The following PRTN3 variants were observed in gnomAD, a reference collection of about 807,000 sequenced individuals.
PRTN3 encodes the protein myeloblastin.
PRTN3 carries 22 observed loss-of-function variants against 20.7 expected under a neutral mutation model. The observed-to-expected ratio is 1.06, with a 90% CI of 0.76 to 1.52. PRTN3 has a LOEUF of 1.52. Among genes scored for constraint, PRTN3 ranks in the 40% most tolerant of loss-of-function variants. The pLI is 0.00. For missense variants in PRTN3, 378 were observed against 359.6 expected (o/e 1.05, Z -0.41); for synonymous variants, 173 against 152.9 (o/e 1.13, Z -0.97).
rs1012734954 is a variant in PRTN3, at chr19:844,925, G to GA, written c.369+892dup. On this transcript the variant is annotated intron_variant, in intron 3 of 4. Coordinates refer to ENST00000234347, the MANE Select transcript of PRTN3 (RefSeq NM_002777.4). ...GGGAGCAGCCTGACCAACCTAGTGA[G>GA]ACCCCATCTCTATAAAAGACATTTT... 6.1e-5 allele frequency among the ~76,000 whole-genome samples: 9 copies of GA among 147,516 alleles called. No individual in the cohort carries two copies. The South Asian group carries it at 1.5e-3, about 25-fold the overall frequency.
rs2035493918 is a variant in PRTN3, at chr19:844,611, G to A, written c.369+577G>A. On this transcript the variant is annotated intron_variant, in intron 3 of 4. Transcript: ENST00000234347. ...CTCCGGCGCCTCCCCTGACCTCACT[G>A]GAAGTGGCGAGGACAGCCACAGCCC... Among the ~76,000 whole-genome samples, 3 of 148,856 alleles carry A rather than the reference G, an allele frequency of 2.0e-5. No homozygotes were observed. The South Asian group carries it at 6.5e-4, about 32-fold the overall frequency.
chr19:847,393 C>G (rs923999822), intron 4 of PRTN3, among the ~76,000 whole-genome samples: 1 of 151,052 alleles, frequency 6.6e-6, no homozygotes, highest in African/African-American at 2.4e-5. Flanking sequence ...GCCGAGATCA[C>G]GGCACTGCAC....
rs1401343614 is a variant in PRTN3 at position 846,156 on chromosome 19, C to G, written c.379C>G (p.Pro127Ala). The G allele has an allele frequency of 1.2e-5, 18 of 1,458,970 alleles. No homozygotes were observed. In the East Asian group the frequency reaches 4.3e-4, roughly 35 times the overall value. 90.4% of individuals were successfully genotyped at this position (1,458,970 alleles called of 1,614,324 possible). The change falls in exon 4 of 5, where the codon CCA becomes GCA. Residue 127 changes from proline to alanine, a missense_variant. Coordinates refer to ENST00000234347, the MANE Select transcript of PRTN3 (RefSeq NM_002777.4). ...CTGCCTTCTGCCCCAGCTGAGCAGC[C>G]CAGCCAACCTCAGTGCCTCCGTCGC... ...NDVLLIQLSS[P>A]ANLSASVATV...
rs745661143 is a variant in PRTN3 at position 846,377 on chromosome 19, C to T, written c.600C>T (p.Phe200=). The part of the protein sequence containing the change: ...FVPRRKAGIC[F]GDSGGPLICD... ...CTCGCCGCAAGGCCGGCATCTGCTT[C>T]GTAAGTAACCGTGCCCCCACCCCGG... The change falls in exon 4 of 5, where the codon TTC becomes TTT. Residue 200 remains phenylalanine, a splice_region_variant and synonymous_variant. Coordinates refer to ENST00000234347, the MANE Select transcript of PRTN3 (RefSeq NM_002777.4). The T allele has an allele frequency of 2.5e-5, 39 of 1,550,426 alleles. 1 individual carries two copies. Among genetic ancestry groups the T allele is most frequent in the East Asian group, 2.5e-5 (1 of 40,742 alleles).
Position 847,555 on chromosome 19 carries a change from A to AAG in PRTN3, c.601-218_601-217dup, listed in dbSNP as rs145629657. Among the ~76,000 whole-genome samples, 1,087 of 115,846 alleles carry AAG rather than the reference A, an allele frequency of 9.4e-3. 10 individuals carry two copies. Among genetic ancestry groups the AAG allele is most frequent in the African/African-American group, 0.029 (774 of 26,852 alleles). The allele number at this position is 115,846 out of a possible 152,430, so 76.0% of individuals were successfully genotyped here. On this transcript the variant is annotated intron_variant, in intron 4 of 4. Coordinates refer to ENST00000234347, the MANE Select transcript of PRTN3 (RefSeq NM_002777.4). ...AGAAAGAAAGAAAGAAAGAAAAAGA[A>AAG]AGAGAGAGAGAGAGAGAGAGAGAGA...
chr19:847,676 G>A (rs749603028), intron 4 of PRTN3, 123 bp from the exon 5 acceptor site: 267 of 1,236,468 alleles, frequency 2.2e-4, no homozygotes, highest in Non-Finnish European at 1.8e-4. Flanking sequence ...GCCAGCCCGG[G>A]TGACTGGCTG....
chr19:842,413 A>ATTTTTTTTTTTTTT lies in PRTN3; in HGVS notation c.62-1037_62-1024dup, dbSNP rs34047197. 1.5e-4 allele frequency among the ~76,000 whole-genome samples: 6 copies of ATTTTTTTTTTTTTT among 39,420 alleles called. 1 individual carries two copies. The highest frequency in any genetic ancestry group is 8.8e-4 in the African/African-American group (6 of 6,792). The allele number at this position is 39,420 out of a possible 152,430, so 25.9% of individuals were successfully genotyped here. ...TCAGGCATGAGCCACTGCGCCCAGG[A>ATTTTTTTTTTTTTT]TTTTTTTTTTTTTTTTTTTTTTTTG... On this transcript the variant is annotated intron_variant, in intron 1 of 4. Coordinates refer to ENST00000234347, the MANE Select transcript of PRTN3 (RefSeq NM_002777.4).
chr19:843,379 GGAGAGGCCC>G, intron 1 of PRTN3, 73 bp from the exon 2 acceptor site: 1 of 1,392,176 alleles, frequency 7.2e-7, no homozygotes, highest in South Asian at 1.5e-5. Context: ...ACGGAGGCTC[GGAGAGGCCC>G]AGGGGCTGCT....
chr19:843,594 C>A lies in PRTN3; in HGVS notation c.195C>A (p.Phe65Leu). 2 of 1,599,558 alleles carry A rather than the reference C, an allele frequency of 1.3e-6. No homozygotes were observed. Among genetic ancestry groups the A allele is most frequent in the Non-Finnish European group, 1.7e-6 (2 of 1,177,194 alleles). The change falls in exon 2 of 5, where the codon TTC becomes TTA. Residue 65 changes from phenylalanine (F) to leucine (L), a missense_variant. By Grantham distance (22) the Phe-to-Leu change is conservative. Coordinates refer to ENST00000234347, the MANE Select transcript of PRTN3 (RefSeq NM_002777.4). Reference protein sequence around the residue: ...FCGGTLIHPSFVLTAAHCLRD... With the variant: ...FCGGTLIHPSLVLTAAHCLRD... ...GAGGCACCTTGATCCACCCCAGCTT[C>A]GTGCTGACGGCCGCGCACTGCCTGC...
intron 2 of PRTN3, 90 bp downstream of exon 2, chr19:843,716 C>A: frequency 6.8e-7 from 1 of 1,476,790 alleles, no homozygotes; most frequent in Non-Finnish European, 9.0e-7. Context: ...CGGGGAGGAC[C>A]CAGCTAAGCC....
chr19:841,930 T>G (rs1339259600), intron 1 of PRTN3, among the ~76,000 whole-genome samples: 1 of 151,790 alleles, frequency 6.6e-6, no homozygotes, highest in Non-Finnish European at 1.5e-5. Context: ...GGTTTCAAGG[T>G]GTTAGCCAGG....
intron 2 of PRTN3, 126 bp downstream of exon 2, chr19:843,752 C>T (rs1046201698): frequency 1.4e-6 from 2 of 1,448,686 alleles, no homozygotes; most frequent in African/African-American, 1.4e-5. Context: ...AGGCCCCGCG[C>T]GCGTGGGCAG....
intron 1 of PRTN3, among the ~76,000 whole-genome samples, chr19:842,653 T>C (rs1418760528): frequency 6.9e-6 from 1 of 143,962 alleles, no homozygotes; most frequent in Non-Finnish European, 1.5e-5. Context: ...AGTGGGGCGA[T>C]CTTGGCTCAC....
chr19:842,443 A>G (rs1412526341), intron 1 of PRTN3, among the ~76,000 whole-genome samples: 3 of 49,492 alleles, frequency 6.1e-5, no homozygotes, highest in Admixed American at 3.2e-4. Flanking sequence ...TTTTTGAGAC[A>G]GAATCTCACT....
intron 1 of PRTN3, among the ~76,000 whole-genome samples, chr19:841,396 A>ATGCATGAATGAATGAATGAG (rs2035436140): frequency 6.6e-6 from 1 of 152,196 alleles, no homozygotes; most frequent in African/African-American, 2.4e-5. Context: ...CTCAGTGAAT[A>ATGCATGAATGAATGAATGAG]TGCATGAATG....
Position 843,612 on chromosome 19 carries a change from C to A in PRTN3, c.213C>A (p.His71Gln). Reference protein sequence around the residue: ...IHPSFVLTAAHCLRDIPQRLV... With the variant: ...IHPSFVLTAAQCLRDIPQRLV... The stretch of plus-strand genomic sequence containing the variant: ...CCAGCTTCGTGCTGACGGCCGCGCA[C>A]TGCCTGCGGGACATGTGAGCGGCCG... Residue 71 changes from histidine (H) to glutamine (Q), a missense_variant, in exon 2 of 5, where the codon CAC (histidine) becomes CAA (glutamine). Transcript: ENST00000234347. The A allele has an allele frequency of 6.3e-7, 1 of 1,591,236 alleles. No individual in the cohort carries two copies. The highest frequency in any genetic ancestry group is 8.5e-7 in the Non-Finnish European group (1 of 1,174,270).
intron 1 of PRTN3, among the ~76,000 whole-genome samples, chr19:842,612 G>C (rs368055455): frequency 0.012 from 995 of 79,746 alleles, 20 homozygotes; most frequent in African/African-American, 0.061. Flanking sequence ...TTTTTGAGAC[G>C]GAGTGTCATT....
chr19:846,355 G>C lies in PRTN3; in HGVS notation c.578G>C (p.Arg193Pro), dbSNP rs148200539. The change falls in exon 4 of 5, where the codon CGC becomes CCC. Residue 193 changes from arginine (R) to proline (P), a missense_variant. Transcript: ENST00000234347. Reference sequence around the variant, plus strand: ...CATAACATTTGCACTTTCGTCCCTCGCCGCAAGGCCGGCATCTGCTTCGTA... The same window carrying C: ...CATAACATTTGCACTTTCGTCCCTCCCCGCAAGGCCGGCATCTGCTTCGTA... ...RPHNICTFVP[R>P]RKAGICFGDS... 3.8e-6 allele frequency: 6 copies of C among 1,559,616 alleles called. No individual in the cohort carries two copies. In the Admixed American group the frequency reaches 1.2e-4, roughly 30 times the overall value.
chr19:844,350 GCCCGCGCC>G, intron 3 of PRTN3, among the ~76,000 whole-genome samples: 3 of 89,228 alleles, frequency 3.4e-5, no homozygotes, highest in African/African-American at 9.6e-5. Flanking sequence ...CCTCTCCCCT[GCCCGCGCC>G]TCTCCCCTGC....
Sources: gnomAD v4.1 joint callset for allele counts (sites outside exome capture counted in the v4.1 genomes callset) on GRCh38, gnomAD v4.1.1 for gene constraint, MANE v1.5 for transcripts, NCBI Gene and HGNC (gene_info 2026-07-23, HGNC 2026-07-21) for gene names.